OR2L3: variants seen among roughly 807,000 people sequenced by gnomAD.
The protein encoded by OR2L3 is olfactory receptor family 2 subfamily L member 3.
For synonymous variants in OR2L3, 131 were observed against 139.1 expected (o/e 0.94, Z 0.41); for missense variants, 369 against 376.6 (o/e 0.98, Z 0.17).
chr1:248,058,220 C>T (rs1663503250), intron 1 of OR2L3, among the ~76,000 whole-genome samples: 1 of 152,216 alleles, frequency 6.6e-6, no homozygotes, highest in South Asian at 2.1e-4. Flanking sequence ...TTGCTGACCC[C>T]AAAGGCAAGG....
rs1205970433 is a variant in OR2L3, at chr1:248,060,669, A to T, written c.-13A>T. On this transcript the variant is annotated 5_prime_UTR_variant, in exon 2 of 2. Coordinates refer to ENST00000359959, the MANE Select transcript of OR2L3 (RefSeq NM_001004687.2). ...CTTGTGTCTCCCTTCAGGAAAGAGCACACGAATGCCCCATGGAAAATTACA... is the reference window on the plus strand; with the variant it reads ...CTTGTGTCTCCCTTCAGGAAAGAGCTCACGAATGCCCCATGGAAAATTACA... 1 of 1,598,698 alleles carries T rather than the reference A, an allele frequency of 6.3e-7. No individual in the cohort carries two copies.
chr1:248,048,381 A>G lies in OR2L3; in HGVS notation c.-22+1501A>G, dbSNP rs114761611. Among the ~76,000 whole-genome samples the G allele has an allele frequency of 4.3e-3, 648 of 152,332 alleles. 2 individuals are homozygous for G. Among genetic ancestry groups the G allele is most frequent in the Non-Finnish European group, 7.6e-3 (519 of 68,020 alleles). On this transcript the variant is annotated intron_variant, in intron 1 of 1. Coordinates refer to ENST00000359959, the MANE Select transcript of OR2L3 (RefSeq NM_001004687.2). ...TATTCCTAAGTCAGTCAAATACAAC[A>G]TTATGTACTGTGTCTCTTCTTAGGA...
At chr1:248,052,161 C>T (rs1012192481) in intron 1 of OR2L3, among the ~76,000 whole-genome samples, 1 of 152,134 alleles carries the variant, frequency 6.6e-6, no homozygotes, top group Non-Finnish European at 1.5e-5. Context: ...AGTTTTATCT[C>T]TTGCATTTAG....
chr1:248,049,617 T>TA (rs1467104752), intron 1 of OR2L3, among the ~76,000 whole-genome samples: 7 of 152,214 alleles, frequency 4.6e-5, no homozygotes, highest in Admixed American at 4.6e-4. Context: ...AACTGGGTGA[T>TA]ACGAGGAAAC....
At chr1:248,056,990 G>A (rs1663455763) in intron 1 of OR2L3, among the ~76,000 whole-genome samples, 1 of 152,164 alleles carries the variant, frequency 6.6e-6, no homozygotes, top group Non-Finnish European at 1.5e-5. Context: ...TGATTGTGCT[G>A]TGGTCTGAGA....
At position 248,060,641 on chromosome 1, in the gene OR2L3, AC is replaced by A. The variant is rs1454393292; in HGVS notation, c.-21-17del. 1 of 1,509,204 alleles carries A rather than the reference AC, an allele frequency of 6.6e-7. No individual in the cohort carries two copies. The highest frequency in any genetic ancestry group is 1.8e-5 in the Admixed American group (1 of 56,468). The allele number at this position is 1,509,204 out of a possible 1,614,324, so 93.5% of individuals were successfully genotyped here. On this transcript the variant is annotated intron_variant, in intron 1 of 1. Coordinates refer to ENST00000359959, the MANE Select transcript of OR2L3 (RefSeq NM_001004687.2). ...AAAGACGAATTTCTGTGCTTAACTT[AC>A]CCTTGTGTCTCCCTTCAGGAAAGAG...
rs1663697190 is a variant in OR2L3 at position 248,063,130 on chromosome 1, G to A, written c.*1510G>A. ...AAATAATGGTTTTTACTATTTATGT[G>A]CAGAATGTCATTGGTATTTTGATAG... On this transcript the variant is annotated 3_prime_UTR_variant, in exon 2 of 2. Transcript: ENST00000359959. The A allele has an allele frequency of 6.6e-6, 1 of 152,128 alleles. No individual in the cohort carries two copies. The highest frequency in any genetic ancestry group is 6.6e-5 in the Admixed American group (1 of 15,260). 9.4% of individuals were successfully genotyped at this position (152,128 alleles called of 1,614,324 possible).
intron 1 of OR2L3, among the ~76,000 whole-genome samples, chr1:248,052,351 ACT>A (rs1346448316): frequency 6.6e-6 from 1 of 152,016 alleles, no homozygotes; most frequent in African/African-American, 2.4e-5. Context: ...CTATTTCTTG[ACT>A]CTGTTTTATA....
chr1:248,049,951 G>T (rs577147826), intron 1 of OR2L3, among the ~76,000 whole-genome samples: 1 of 152,258 alleles, frequency 6.6e-6, no homozygotes, highest in Admixed American at 6.5e-5. Context: ...TGGATCTAGA[G>T]GAGTTTACTG....
chr1:248,056,953 A>G (rs1663454765), intron 1 of OR2L3, among the ~76,000 whole-genome samples: 2 of 151,940 alleles, frequency 1.3e-5, no homozygotes, highest in Non-Finnish European at 2.9e-5. Context: ...CCTGGCCTTG[A>G]GGGGGCTTTA....
chr1:248,053,110 G>A (rs187363361), intron 1 of OR2L3, among the ~76,000 whole-genome samples: 3 of 151,852 alleles, frequency 2.0e-5, no homozygotes, highest in East Asian at 1.9e-4. Context: ...CCCCTCCACC[G>A]CCCTCCCACA....
At chr1:248,057,401 G>T (rs1026820417) in intron 1 of OR2L3, among the ~76,000 whole-genome samples, 9 of 152,048 alleles carry the variant, frequency 5.9e-5, no homozygotes, top group African/African-American at 2.2e-4. Flanking sequence ...GCCCTTCTTT[G>T]TCTTTTTTGA....
chr1:248,055,665 G>A (rs981605385), intron 1 of OR2L3, among the ~76,000 whole-genome samples: 2 of 152,230 alleles, frequency 1.3e-5, no homozygotes, highest in African/African-American at 4.8e-5. Flanking sequence ...GCTGAGGCAT[G>A]TGAATCACTT....
Position 248,060,987 on chromosome 1 carries a change from C to T in OR2L3, c.306C>T (p.Phe102=). The change falls in exon 2 of 2, where the codon TTC becomes TTT. Residue 102 remains phenylalanine, a synonymous_variant. Transcript: ENST00000359959. ...CTGGGTGTGGGATTCAGAGTTTCTT[C>T]TTCTCGGCATTAGGAGGTGCAGAAG... ...SFTGCGIQSF[F]FSALGGAEAL... is the part of the protein sequence containing the mutation. 6.2e-7 allele frequency: 1 copy of T among 1,614,034 alleles called. No individual in the cohort carries two copies. The highest frequency in any genetic ancestry group is 1.1e-5 in the South Asian group (1 of 91,078).
intron 1 of OR2L3, among the ~76,000 whole-genome samples, chr1:248,058,804 A>G (rs1273798990): frequency 6.6e-6 from 1 of 152,076 alleles, no homozygotes; most frequent in Non-Finnish European, 1.5e-5. Context: ...CCTTAAGCAC[A>G]TATTGTTCCT....
intron 1 of OR2L3, among the ~76,000 whole-genome samples, chr1:248,051,539 C>T (rs1432989200): frequency 2.0e-5 from 3 of 152,042 alleles, no homozygotes; most frequent in African/African-American, 7.2e-5. Context: ...GCATTGGGTA[C>T]ACATGGACAT....
At chr1:248,047,261 A>C (rs1015095901) in intron 1 of OR2L3, among the ~76,000 whole-genome samples, 6 of 152,072 alleles carry the variant, frequency 3.9e-5, no homozygotes, top group African/African-American at 1.4e-4. Flanking sequence ...TTTTGGTTTG[A>C]TTTCTTTTGC....
chr1:248,060,963 T>A lies in OR2L3; in HGVS notation c.282T>A (p.Thr94=), dbSNP rs760605399. 1.2e-6 allele frequency: 2 copies of A among 1,614,036 alleles called. No homozygotes were observed. Among genetic ancestry groups the A allele is most frequent in the Non-Finnish European group, 1.7e-6 (2 of 1,179,930 alleles). The part of the protein sequence containing the change: ...FLSGNKSISF[T]GCGIQSFFFS... ...CTGGTAACAAGTCTATCTCCTTCACTGGGTGTGGGATTCAGAGTTTCTTCT... is the reference window on the plus strand; with the variant it reads ...CTGGTAACAAGTCTATCTCCTTCACAGGGTGTGGGATTCAGAGTTTCTTCT... The change falls in exon 2 of 2, where the codon ACT becomes ACA. Residue 94 remains threonine, a synonymous_variant. Transcript: ENST00000359959.
At chr1:248,060,422 A>G (rs1310037161) in intron 1 of OR2L3, among the ~76,000 whole-genome samples, 1 of 152,222 alleles carries the variant, frequency 6.6e-6, no homozygotes, top group African/African-American at 2.4e-5. Context: ...TATTGACATA[A>G]TTTGTATTAT....
Sources: allele counts gnomAD v4.1 joint callset (sites outside exome capture counted in the v4.1 genomes callset), GRCh38; gene constraint gnomAD v4.1.1; transcripts MANE v1.5; gene names NCBI Gene and HGNC (gene_info 2026-07-23, HGNC 2026-07-21).